Variants in WDPCP observed in about 807,000 individuals in gnomAD.
WDPCP encodes WD repeat-containing and planar cell polarity effector protein fritz homolog.
WDPCP carries 71 observed loss-of-function variants against 93.1 expected under a neutral mutation model. That is an observed-to-expected ratio of 0.76 (90% CI 0.63 to 0.93). WDPCP has a LOEUF of 0.93. Ranked by LOEUF, WDPCP falls within the 40% of genes least tolerant of loss-of-function variation. WDPCP has a pLI of 0.00. For missense variants in WDPCP, 844 were observed against 887.4 expected (o/e 0.95, Z 0.62); for synonymous variants, 315 against 315.0 (o/e 1.00, Z 0.00).
chr2:63,126,458 G>A (rs1669908675), intron 17 of WDPCP, among the ~76,000 whole-genome samples: 2 of 152,158 alleles, frequency 1.3e-5, no homozygotes, highest in African/African-American at 4.8e-5. Context: ...GTATAGAGGT[G>A]TGTAGCAGTG....
chr2:63,137,671 G>T (rs1049170646), intron 17 of WDPCP, among the ~76,000 whole-genome samples: 6 of 151,882 alleles, frequency 4.0e-5, no homozygotes, highest in Non-Finnish European at 8.8e-5. Context: ...TTTCTTCTAG[G>T]GTTTTTATAG....
At chr2:63,512,096 T>C (rs996966615) in intron 1 of WDPCP, among the ~76,000 whole-genome samples, 6 of 152,154 alleles carry the variant, frequency 3.9e-5, no homozygotes, top group African/African-American at 1.4e-4. Context: ...AAACAGACAC[T>C]TTTCAAAAGA....
intron 6 of WDPCP, among the ~76,000 whole-genome samples, chr2:63,475,404 C>A (rs1269596588): frequency 6.6e-6 from 1 of 152,082 alleles, no homozygotes. Context: ...CTTTAATCAG[C>A]AACAACCTCT....
intron 14 of WDPCP, among the ~76,000 whole-genome samples, chr2:63,226,127 T>G (rs761047569): frequency 4.6e-5 from 7 of 151,862 alleles, no homozygotes; most frequent in African/African-American, 7.2e-5. Context: ...AACAGGAGTT[T>G]GTGATGACAG....
At chr2:63,728,725 T>A (rs1411152810) in intron 2 of WDPCP, among the ~76,000 whole-genome samples, 1 of 152,118 alleles carries the variant, frequency 6.6e-6, no homozygotes, top group Non-Finnish European at 1.5e-5. Flanking sequence ...AGTGTTGGCA[T>A]CCTTCCACTC....
intron 13 of WDPCP, among the ~76,000 whole-genome samples, chr2:63,295,798 A>AAT (rs1684802842): frequency 6.6e-6 from 1 of 151,644 alleles, no homozygotes; most frequent in Non-Finnish European, 1.5e-5. Flanking sequence ...AACAACAAAA[A>AAT]AGCCCAGGAC....
chr2:63,274,494 C>G (rs1682922177), intron 13 of WDPCP, among the ~76,000 whole-genome samples: 1 of 151,810 alleles, frequency 6.6e-6, no homozygotes, highest in Non-Finnish European at 1.5e-5. Flanking sequence ...CAGAACTAAA[C>G]AAGATAGAGA....
At chr2:63,424,987 C>A (rs184227168) in intron 9 of WDPCP, among the ~76,000 whole-genome samples, 3 of 152,262 alleles carry the variant, frequency 2.0e-5, no homozygotes, top group Admixed American at 2.0e-4. Context: ...TGGCTAAGAA[C>A]TTATCTGCCA....
intron 14 of WDPCP, among the ~76,000 whole-genome samples, chr2:63,236,395 A>G (rs1348446481): frequency 6.6e-6 from 1 of 152,216 alleles, no homozygotes; most frequent in Non-Finnish European, 1.5e-5. Context: ...TAAAATGTCC[A>G]TACCACCCAA....
At chr2:63,329,803 G>A (rs992469835) in intron 12 of WDPCP, among the ~76,000 whole-genome samples, 2 of 152,010 alleles carry the variant, frequency 1.3e-5, no homozygotes, top group Non-Finnish European at 2.9e-5. Context: ...ATTACTATGA[G>A]TGCAACTTTT....
intron 2 of WDPCP, among the ~76,000 whole-genome samples, chr2:63,688,131 A>T (rs1173776245): frequency 6.6e-6 from 1 of 152,200 alleles, no homozygotes; most frequent in Non-Finnish European, 1.5e-5. Context: ...TGGGAGCTAA[A>T]AGTTAAAACG....
chr2:63,223,027 C>T (rs1677972275), intron 14 of WDPCP, among the ~76,000 whole-genome samples: 1 of 151,984 alleles, frequency 6.6e-6, no homozygotes, highest in Non-Finnish European at 1.5e-5. Flanking sequence ...AACCAATTAT[C>T]TATAACCAGA....
intron 17 of WDPCP, among the ~76,000 whole-genome samples, chr2:63,133,135 T>G (rs1670395893): frequency 6.6e-6 from 1 of 152,204 alleles, no homozygotes; most frequent in South Asian, 2.1e-4. Context: ...TGGACCTGTT[T>G]GTGGTTTTTT....
chr2:63,759,612 T>C (rs1229317718), intron 2 of WDPCP, among the ~76,000 whole-genome samples: 1 of 152,240 alleles, frequency 6.6e-6, no homozygotes, highest in African/African-American at 2.4e-5. Flanking sequence ...GTTATGTTCA[T>C]GCAGACTTGG....
intron 14 of WDPCP, among the ~76,000 whole-genome samples, chr2:63,239,674 GT>G (rs1679707122): frequency 6.6e-6 from 1 of 152,200 alleles, no homozygotes; most frequent in East Asian, 1.9e-4. Context: ...AATTTTATGA[GT>G]TTTGTTAGCT....
At chr2:63,600,608 A>G (rs1709400528) in intron 3 of WDPCP, among the ~76,000 whole-genome samples, 1 of 152,214 alleles carries the variant, frequency 6.6e-6, no homozygotes, top group Admixed American at 6.5e-5. Context: ...TAAATACAAG[A>G]AAGGTTGGCT....
intron 13 of WDPCP, among the ~76,000 whole-genome samples, chr2:63,282,832 A>G (rs945133529): frequency 2.0e-5 from 3 of 152,184 alleles, no homozygotes; most frequent in African/African-American, 7.2e-5. Flanking sequence ...ACTGATATTC[A>G]TGTCCTTTAT....
At chr2:63,162,754 T>C (rs1000145985) in intron 15 of WDPCP, among the ~76,000 whole-genome samples, 1 of 152,170 alleles carries the variant, frequency 6.6e-6, no homozygotes, top group Non-Finnish European at 1.5e-5. Context: ...GAAGTTTGAA[T>C]GCTCTGAGCT....
intron 14 of WDPCP, among the ~76,000 whole-genome samples, chr2:63,205,153 A>G (rs1178834867): frequency 6.6e-6 from 1 of 152,084 alleles, no homozygotes; most frequent in East Asian, 1.9e-4. Context: ...AGTTCACTGG[A>G]GGTGCGTGGA....
Sources: allele counts gnomAD v4.1 joint callset (sites outside exome capture counted in the v4.1 genomes callset), GRCh38; gene constraint gnomAD v4.1.1; transcripts MANE v1.5; gene names NCBI Gene and HGNC (gene_info 2026-07-23, HGNC 2026-07-21).